PDE4D: variants seen among roughly 807,000 people sequenced by gnomAD.
PDE4D encodes the protein phosphodiesterase 4D.
In PDE4D, 24 loss-of-function variants were observed where a neutral mutation model predicts 87.4. That is an observed-to-expected ratio of 0.27 (90% CI 0.20 to 0.39). PDE4D has a LOEUF of 0.39. Among genes scored for constraint, PDE4D ranks in the 10% least tolerant of loss-of-function variants. PDE4D has a pLI of 1.00. For missense variants in PDE4D, 714 were observed against 1,041.0 expected, an observed-to-expected ratio of 0.69 and a Z score of 4.32; for synonymous variants, 384 against 383.2, an observed-to-expected ratio of 1.00 and a Z score of -0.02.
At chr5:60,061,500 T>A (rs1390101767) in intron 2 of PDE4D, among the ~76,000 whole-genome samples, 1 of 152,062 alleles carries the variant, frequency 6.6e-6, no homozygotes, top group Non-Finnish European at 1.5e-5. Flanking sequence ...AAAATGGCCA[T>A]ACAGCCCAAA....
At chr5:60,147,816 C>T (rs758634068) in intron 2 of PDE4D, 6 of 455,522 alleles carry the variant, frequency 1.3e-5, no homozygotes, top group Non-Finnish European at 2.2e-5. Context: ...ACCATGTGGC[C>T]TTCTTCCATA....
chr5:59,363,129 G>A (rs1284568312), intron 1 of PDE4D, among the ~76,000 whole-genome samples: 1 of 152,076 alleles, frequency 6.6e-6, no homozygotes, highest in East Asian at 1.9e-4. Context: ...TTTATTCTGT[G>A]GTGTTTATTG....
intron 2 of PDE4D, among the ~76,000 whole-genome samples, chr5:60,027,098 G>C (rs1766714000): frequency 6.6e-6 from 1 of 151,880 alleles, no homozygotes; most frequent in African/African-American, 2.4e-5. Context: ...TTAGATTCAG[G>C]AGGCACATGT....
At chr5:59,592,495 A>G (rs1445662269) in intron 1 of PDE4D, among the ~76,000 whole-genome samples, 1 of 152,118 alleles carries the variant, frequency 6.6e-6, no homozygotes, top group Non-Finnish European at 1.5e-5. Context: ...TCATCACCTA[A>G]AACCAGCAAA....
chr5:59,454,619 A>G (rs1176990828), intron 1 of PDE4D, among the ~76,000 whole-genome samples: 1 of 152,180 alleles, frequency 6.6e-6, no homozygotes, highest in Admixed American at 6.5e-5. Context: ...AGAGTGGTGC[A>G]GTGCCGAAAA....
intron 5 of PDE4D, among the ~76,000 whole-genome samples, chr5:59,120,084 C>T (rs1024307206): frequency 1.1e-4 from 16 of 152,130 alleles, no homozygotes; most frequent in South Asian, 2.1e-4. Flanking sequence ...CCTCCTACAT[C>T]GGCCTCCCGA....
intron 3 of PDE4D, among the ~76,000 whole-genome samples, chr5:59,953,477 T>A (rs1758508248): frequency 6.6e-6 from 1 of 152,150 alleles, no homozygotes; most frequent in Admixed American, 6.5e-5. Flanking sequence ...AAATTTCTCA[T>A]TAACACTCAC....
intron 5 of PDE4D, among the ~76,000 whole-genome samples, chr5:59,160,336 C>T (rs1001859435): frequency 6.6e-6 from 1 of 152,058 alleles, no homozygotes; most frequent in African/African-American, 2.4e-5. Flanking sequence ...CATTTATCCT[C>T]CTTATATTTT....
At chr5:60,013,372 A>C (rs1765195285) in intron 2 of PDE4D, among the ~76,000 whole-genome samples, 1 of 152,192 alleles carries the variant, frequency 6.6e-6, no homozygotes, top group African/African-American at 2.4e-5. Context: ...GATATGATAA[A>C]ACCACAGTTA....
chr5:60,005,179 T>C (rs1764357170), intron 2 of PDE4D, among the ~76,000 whole-genome samples: 1 of 152,118 alleles, frequency 6.6e-6, no homozygotes, highest in Non-Finnish European at 1.5e-5. Flanking sequence ...GAGGACATTA[T>C]GCTAACTGAA....
intron 1 of PDE4D, among the ~76,000 whole-genome samples, chr5:59,814,867 T>C (rs1294649742): frequency 6.6e-6 from 1 of 152,014 alleles, no homozygotes; most frequent in Non-Finnish European, 1.5e-5. Context: ...GAAGATTTTG[T>C]GGTGGTGGTA....
intron 5 of PDE4D, among the ~76,000 whole-genome samples, chr5:59,103,023 T>C (rs1185446368): frequency 6.6e-6 from 1 of 152,162 alleles, no homozygotes; most frequent in African/African-American, 2.4e-5. Context: ...CAGCTTCTAA[T>C]TAGAAGTTTG....
chr5:59,226,139 C>T (rs1753738370), intron 1 of PDE4D, among the ~76,000 whole-genome samples: 1 of 152,110 alleles, frequency 6.6e-6, no homozygotes. Context: ...TCTACCAATT[C>T]AACTTCTGGG....
chr5:60,113,123 G>A (rs1288775272), intron 2 of PDE4D, among the ~76,000 whole-genome samples: 2 of 151,960 alleles, frequency 1.3e-5, no homozygotes, highest in East Asian at 1.9e-4. Context: ...AATAATCAGG[G>A]CCTCTGTCAC....
intron 1 of PDE4D, among the ~76,000 whole-genome samples, chr5:59,311,971 A>T (rs1228210188): frequency 1.3e-5 from 2 of 152,150 alleles, no homozygotes; most frequent in East Asian, 3.9e-4. Flanking sequence ...AGAAGCCAAA[A>T]GGAAAAACTA....
At chr5:59,675,124 T>C (rs1384305897) in intron 1 of PDE4D, among the ~76,000 whole-genome samples, 3 of 152,232 alleles carry the variant, frequency 2.0e-5, no homozygotes, top group African/African-American at 7.2e-5. Flanking sequence ...TTTATTTCAC[T>C]GTAGAGAAAA....
At chr5:59,742,323 C>G (rs1274657047) in intron 1 of PDE4D, among the ~76,000 whole-genome samples, 1 of 152,166 alleles carries the variant, frequency 6.6e-6, no homozygotes, top group Non-Finnish European at 1.5e-5. Context: ...CTTGGCCTCC[C>G]AAAGTGCTGG....
At chr5:59,146,244 C>T (rs1778640152) in intron 5 of PDE4D, among the ~76,000 whole-genome samples, 1 of 152,036 alleles carries the variant, frequency 6.6e-6, no homozygotes, top group Admixed American at 6.6e-5. Context: ...TTCTGATAGA[C>T]ACCTTTGAAA....
chr5:59,327,273 A>G (rs1775883215), intron 1 of PDE4D, among the ~76,000 whole-genome samples: 1 of 151,980 alleles, frequency 6.6e-6, no homozygotes, highest in Non-Finnish European at 1.5e-5. Context: ...TGGTCTCTGG[A>G]TCTGGTAGCT....
Sources: allele counts gnomAD v4.1 joint callset (sites outside exome capture counted in the v4.1 genomes callset), GRCh38; gene constraint gnomAD v4.1.1; transcripts MANE v1.5; gene names NCBI Gene and HGNC (gene_info 2026-07-23, HGNC 2026-07-21).